The following LRRK2 variants were observed in gnomAD, a reference collection of about 807,000 sequenced individuals.
LRRK2 encodes the protein leucine rich repeat kinase 2.
A neutral mutation model predicts 302.6 loss-of-function variants in LRRK2; 203 were observed. That is an observed-to-expected ratio of 0.67 (90% CI 0.60 to 0.75). The LOEUF (loss-of-function observed/expected upper bound fraction) is 0.75. Ranked by LOEUF, LRRK2 falls within the 30% of genes least tolerant of loss-of-function variation. The pLI is 0.00. For synonymous variants in LRRK2, 1,066 were observed against 1,031.9 expected, an observed-to-expected ratio of 1.03 and a Z score of -0.63; for missense variants, 2,830 against 2,951.0, an observed-to-expected ratio of 0.96 and a Z score of 0.95.
chr12:40,322,000 G>A (rs889777804), intron 35 of LRRK2, 35 bp from the exon 36 acceptor site: 2 of 1,610,064 alleles, frequency 1.2e-6, no homozygotes, highest in Middle Eastern at 1.7e-4. Flanking sequence ...CTTTAACTTA[G>A]GAAGCAGTTA....
intron 47 of LRRK2, among the ~76,000 whole-genome samples, chr12:40,360,944 A>G (rs1486571116): frequency 1.3e-5 from 2 of 152,134 alleles, no homozygotes; most frequent in African/African-American, 2.4e-5. Flanking sequence ...CTTCCATTGC[A>G]TCTAATGTTT....
intron 14 of LRRK2, among the ~76,000 whole-genome samples, chr12:40,270,639 T>A (rs1483419020): frequency 2.0e-5 from 3 of 152,080 alleles, no homozygotes; most frequent in Admixed American, 6.6e-5. Context: ...TTCTTGGATA[T>A]TTTTGCCCAG....
chr12:40,302,177 C>T (rs1463819768), intron 25 of LRRK2, among the ~76,000 whole-genome samples: 2 of 151,664 alleles, frequency 1.3e-5, no homozygotes, highest in South Asian at 2.1e-4. Flanking sequence ...GACTCTGTCT[C>T]AAATAACAAT....
At position 40,348,441 on chromosome 12, in the gene LRRK2, C is replaced by T. The variant is rs1946260171; in HGVS notation, c.6313C>T (p.Pro2105Ser). The stretch of plus-strand genomic sequence containing the variant: ...TAAAGAATATGGTTGTGCCCCATGG[C>T]CTATGGTTGAGAAATTAATTAAACA... ...PVKEYGCAPW[P>S]MVEKLIKQCL... is the part of the protein sequence containing the mutation. The change falls in exon 43 of 51, where the codon CCT becomes TCT. Residue 2105 changes from proline to serine, a missense_variant. Transcript: ENST00000298910. 1.9e-6 allele frequency: 3 copies of T among 1,612,202 alleles called. No individual in the cohort carries two copies. The highest frequency in any genetic ancestry group is 1.7e-6 in the Non-Finnish European group (2 of 1,178,698).
chr12:40,263,484 C>T (rs1423958823), intron 13 of LRRK2, among the ~76,000 whole-genome samples: 1 of 152,098 alleles, frequency 6.6e-6, no homozygotes, highest in African/African-American at 2.4e-5. Flanking sequence ...CATCTTAAAG[C>T]ACAGCCTACT....
Position 40,320,865 on chromosome 12 carries a change from T to G in LRRK2, c.5016-169T>G, listed in dbSNP as rs577304976. ...CTGAGCATGCATTTGAATTGGTTAT[T>G]GACCACTGAATTTTTGGTGTAGGAA... On this transcript the variant is annotated intron_variant, in intron 34 of 50. Transcript: ENST00000298910. Among the ~76,000 whole-genome samples, 5 of 152,192 alleles carry G rather than the reference T, an allele frequency of 3.3e-5. No homozygotes were observed. In the East Asian group the frequency reaches 5.8e-4, roughly 18 times the overall value.
chr12:40,354,350 GA>G lies in LRRK2; in HGVS notation c.6632del (p.Lys2211ArgfsTer28). 3 of 1,614,104 alleles carry G rather than the reference GA, an allele frequency of 1.9e-6. No homozygotes were observed. Among genetic ancestry groups the G allele is most frequent in the Non-Finnish European group, 2.5e-6 (3 of 1,180,012 alleles). ...CTTAGCCTTGGTGCATCTTCCTGTT[GA>G]AAAGGAAAGCTGGATTGTGTCTGGG... ...LCLALVHLPV[E>X]KESWIVSGTQ... is the part of the protein sequence containing the mutation. On this transcript the variant is annotated frameshift_variant, in exon 45 of 51. Transcript: ENST00000298910. LOFTEE classifies it high-confidence loss of function.
intron 8 of LRRK2, 146 bp downstream of exon 8, chr12:40,250,091 C>A: frequency 1.0e-6 from 1 of 976,940 alleles, no homozygotes; most frequent in Non-Finnish European, 1.6e-6. Flanking sequence ...AGGATACTTT[C>A]AAGGAAACTA....
At chr12:40,242,889 G>C (rs559894472) in intron 6 of LRRK2, among the ~76,000 whole-genome samples, 1 of 137,188 alleles carries the variant, frequency 7.3e-6, no homozygotes, top group Non-Finnish European at 1.5e-5. Flanking sequence ...CCAGGATGAC[G>C]ATGATGATGG....
At position 40,286,033 on chromosome 12, in the gene LRRK2, C is replaced by T. The variant is rs149387119; in HGVS notation, c.2501-1318C>T. Among the ~76,000 whole-genome samples, 514 of 151,942 alleles carry T rather than the reference C, an allele frequency of 3.4e-3. 1 individual carries two copies. The highest frequency in any genetic ancestry group is 1.0e-2 in the African/African-American group (414 of 41,486). On this transcript the variant is annotated intron_variant, in intron 19 of 50. Coordinates refer to ENST00000298910, the MANE Select transcript of LRRK2 (RefSeq NM_198578.4). ...CCTGCTTACTTTAATCTTCAATATC[C>T]GATGGAGAGGAATTGTGGGCCCATT... is the stretch of plus-strand genomic sequence containing the variant.
chr12:40,340,781 T>C (rs1365763), intron 41 of LRRK2, among the ~76,000 whole-genome samples: 116,828 of 152,124 alleles, frequency 0.77, 45,715 homozygotes, highest in Non-Finnish European at 0.86. Context: ...AGTCTAGGTA[T>C]TGTTGGCACT....
chr12:40,352,849 A>G (rs945417960), intron 44 of LRRK2, among the ~76,000 whole-genome samples: 2 of 152,116 alleles, frequency 1.3e-5, no homozygotes, highest in African/African-American at 4.8e-5. Context: ...GGAGTCTCCT[A>G]TGTCTACTTC....
intron 8 of LRRK2, among the ~76,000 whole-genome samples, chr12:40,250,404 C>T (rs1942202877): frequency 6.6e-6 from 1 of 152,094 alleles, no homozygotes; most frequent in African/African-American, 2.4e-5. Flanking sequence ...GCAGGAGTAT[C>T]GCTTGGAACT....
chr12:40,349,870 A>G (rs796578155), intron 43 of LRRK2, among the ~76,000 whole-genome samples: 7 of 152,338 alleles, frequency 4.6e-5, no homozygotes, highest in African/African-American at 1.7e-4. Context: ...GCGTCTTTCA[A>G]TAAAGTTTTG....
At chr12:40,295,302 G>C (rs1404553186) in intron 22 of LRRK2, 125 bp from the exon 23 acceptor site, 8 of 858,912 alleles carry the variant, frequency 9.3e-6, no homozygotes, top group Non-Finnish European at 1.5e-5. Context: ...CCATAGTTTG[G>C]TTTTCTACTG....
Position 40,278,137 on chromosome 12 carries a change from A to T in LRRK2, c.2117A>T (p.Asp706Val), listed in dbSNP as rs1565705582. The change falls in exon 18 of 51, where the codon GAT becomes GTT. Residue 706 changes from aspartate (D) to valine (V), a missense_variant. Physicochemically the swap from Asp to Val is radical, Grantham distance 152. Around this residue, in one of 3 missense-constraint regions of LRRK2, gnomAD observed 2,121 missense variants for 2,148.0 expected, o/e 0.99. Coordinates refer to ENST00000298910, the MANE Select transcript of LRRK2 (RefSeq NM_198578.4). Reference sequence around the variant, plus strand: ...TGTTTTGCAAAAGTAGCTATGGATGATTACTTAAAAAATGTGATGCTAGAG... The same window carrying T: ...TGTTTTGCAAAAGTAGCTATGGATGTTTACTTAAAAAATGTGATGCTAGAG... The part of the protein sequence containing the change: ...CKCFAKVAMD[D>V]YLKNVMLERA... The T allele has an allele frequency of 3.7e-6, 6 of 1,614,116 alleles. No homozygotes were observed. Among genetic ancestry groups the T allele is most frequent in the Non-Finnish European group, 4.2e-6 (5 of 1,180,004 alleles).
At chr12:40,269,338 G>A (rs773291444) in intron 14 of LRRK2, among the ~76,000 whole-genome samples, 2 of 152,134 alleles carry the variant, frequency 1.3e-5, no homozygotes, top group African/African-American at 2.4e-5. Context: ...ATAGTATTTA[G>A]TAGTTAGGTT....
intron 23 of LRRK2, among the ~76,000 whole-genome samples, chr12:40,297,723 A>G (rs1477303217): frequency 6.6e-6 from 1 of 152,190 alleles, no homozygotes; most frequent in Admixed American, 6.5e-5. Flanking sequence ...TCATTATAAA[A>G]TTAGAAATTG....
Position 40,287,342 on chromosome 12 carries a change from T to C in LRRK2, c.2501-9T>C. On this transcript the variant is annotated splice_polypyrimidine_tract_variant and intron_variant, in intron 19 of 50. Coordinates refer to ENST00000298910, the MANE Select transcript of LRRK2 (RefSeq NM_198578.4). ...ATTTCTAAGTTGCTGGTGTATCTCT[T>C]ATTTTCAGATATAGCATCTACACTA... is the stretch of plus-strand genomic sequence containing the variant. The C allele has an allele frequency of 6.2e-7, 1 of 1,610,598 alleles. No homozygotes were observed. The highest frequency in any genetic ancestry group is 8.5e-7 in the Non-Finnish European group (1 of 1,177,846).
Sources: allele counts gnomAD v4.1 joint callset (sites outside exome capture counted in the v4.1 genomes callset), GRCh38; gene constraint gnomAD v4.1.1; regional missense constraint gnomAD v4.1.1; transcripts MANE v1.5; gene names NCBI Gene and HGNC (gene_info 2026-07-23, HGNC 2026-07-21).